Variants in MUL1 observed in about 807,000 individuals in gnomAD.
MUL1 encodes the protein mitochondrial ubiquitin ligase activator of NFKB 1.
In MUL1, 30 loss-of-function variants were observed where a neutral mutation model predicts 34.1. That is an observed-to-expected ratio of 0.88 (90% confidence interval 0.66 to 1.19). The LOEUF (loss-of-function observed/expected upper bound fraction) is 1.19, where lower values mean the gene tolerates loss of function less well. Ranked by LOEUF, MUL1 falls within the 50% of genes most tolerant of loss-of-function variation. The pLI is 0.00. For synonymous variants in MUL1, 191 were observed against 187.8 expected, an observed-to-expected ratio of 1.02 and a Z score of -0.14; for missense variants, 419 against 450.5, an observed-to-expected ratio of 0.93 and a Z score of 0.63.
rs1468133516 is a variant in MUL1 at position 20,500,952 on chromosome 1, C to T, written c.797G>A (p.Arg266Gln). ...CTGCTTGAGGCGCAGGCGCTCCTGC[C>T]GCTGCAGATACTGCTTCCGGAGAAT... ...FFILRKQYLQRQERLRLKQMQ... is the reference protein window; with the variant it reads ...FFILRKQYLQQQERLRLKQMQ... Residue 266 changes from arginine to glutamine, a missense_variant, in exon 4 of 4, where the codon CGG (arginine) becomes CAG (glutamine). By Grantham distance (43) the Arg-to-Gln change is conservative. Transcript: ENST00000264198. The T allele has an allele frequency of 1.9e-6, 3 of 1,614,104 alleles. No individual in the cohort carries two copies. Among genetic ancestry groups the T allele is most frequent in the Non-Finnish European group, 2.5e-6 (3 of 1,180,046 alleles).
chr1:20,503,088 G>C (rs1417340741), intron 2 of MUL1, 134 bp downstream of exon 2: 1 of 562,032 alleles, frequency 1.8e-6, no homozygotes, highest in Non-Finnish European at 3.1e-6. Flanking sequence ...AATAACCCAT[G>C]TCTTTCTGAC....
At chr1:20,502,499 T>C (rs2051672250) in intron 2 of MUL1, among the ~76,000 whole-genome samples, 1 of 152,164 alleles carries the variant, frequency 6.6e-6, no homozygotes, top group South Asian at 2.1e-4. Flanking sequence ...CAGTGAGCTA[T>C]GATCACACCA....
Position 20,500,665 on chromosome 1 carries a change from G to A in MUL1, c.*25C>T, listed in dbSNP as rs1161035132. On this transcript the variant is annotated 3_prime_UTR_variant, in exon 4 of 4. Coordinates refer to ENST00000264198, the MANE Select transcript of MUL1 (RefSeq NM_024544.3). Reference sequence around the variant, plus strand: ...GAAAAGGGGGCAGGGGTGCTTCCAGGTCAAGCTGTGCGGCTTCCAAACTAT... The same window carrying A: ...GAAAAGGGGGCAGGGGTGCTTCCAGATCAAGCTGTGCGGCTTCCAAACTAT... 2.0e-6 allele frequency: 3 copies of A among 1,531,438 alleles called. No homozygotes were observed. Among genetic ancestry groups the A allele is most frequent in the Admixed American group, 2.1e-5 (1 of 48,248 alleles). The allele number at this position is 1,531,438 out of a possible 1,614,324, so 94.9% of individuals were successfully genotyped here.
rs371233796 is a variant in MUL1, at chr1:20,507,897, G to C, written c.120+8C>G. 1 of 1,597,352 alleles carries C rather than the reference G, an allele frequency of 6.3e-7. No homozygotes were observed. Among genetic ancestry groups the C allele is most frequent in the Non-Finnish European group, 8.5e-7 (1 of 1,172,688 alleles). On this transcript the variant is annotated splice_region_variant and intron_variant, in intron 1 of 3. Coordinates refer to ENST00000264198, the MANE Select transcript of MUL1 (RefSeq NM_024544.3). ...CCCGGCTGAGGCCAGGCCGGCTCCA[G>C]CACTGACCTTGAGCTCTTGGGAGAC...
rs1449965641 is a variant in MUL1, at chr1:20,500,431, C to T, written c.*259G>A. On this transcript the variant is annotated 3_prime_UTR_variant, in exon 4 of 4. Transcript: ENST00000264198. ...CAGTCACACTCGCACTGATCTGGCT[C>T]CTGGGAGGAGACGCCACGGCATCCT... is the stretch of plus-strand genomic sequence containing the variant. 3 of 419,194 alleles carry T rather than the reference C, an allele frequency of 7.2e-6. No homozygotes were observed. The highest frequency in any genetic ancestry group is 1.3e-5 in the Non-Finnish European group (3 of 233,384). The allele number at this position is 419,194 out of a possible 1,614,324, so 26.0% of individuals were successfully genotyped here. A position where few individuals can be genotyped will look rare whatever the true frequency, so the allele number is the denominator to read the frequency against.
intron 2 of MUL1, 127 bp from the exon 3 acceptor site, chr1:20,502,316 A>C: frequency 1.6e-6 from 2 of 1,274,190 alleles, no homozygotes; most frequent in Non-Finnish European, 2.2e-6. Context: ...TGGGAAGCCA[A>C]GTCAGAAGGA....
rs1175590201 is a variant in MUL1 at position 20,500,651 on chromosome 1, AG to A, written c.*38del. The A allele has an allele frequency of 7.3e-7, 1 of 1,377,030 alleles. No individual in the cohort carries two copies. 85.3% of individuals were successfully genotyped at this position (1,377,030 alleles called of 1,614,324 possible). A position where few individuals can be genotyped will look rare whatever the true frequency, so the allele number is the denominator to read the frequency against. On this transcript the variant is annotated 3_prime_UTR_variant, in exon 4 of 4. Coordinates refer to ENST00000264198, the MANE Select transcript of MUL1 (RefSeq NM_024544.3). ...AGATAAAAATCCCTGAAAAGGGGGC[AG>A]GGGTGCTTCCAGGTCAAGCTGTGCG...
intron 1 of MUL1, among the ~76,000 whole-genome samples, chr1:20,506,427 T>A (rs1001918785): frequency 6.6e-6 from 1 of 152,200 alleles, no homozygotes; most frequent in Non-Finnish European, 1.5e-5. Context: ...GTCAATCAGA[T>A]TAAAATCCTA....
rs2051650213 is a variant in MUL1, at chr1:20,500,858, ACT to A, written c.889_890del (p.Leu298GlufsTer95). On this transcript the variant is annotated frameshift_variant, in exon 4 of 4. Coordinates refer to ENST00000264198, the MANE Select transcript of MUL1 (RefSeq NM_024544.3). LOFTEE classifies it high-confidence loss of function. ...GACACACTACACAGGCGCTCTTCAGACTCTCCCTGTCCTCAGGCTTGGCTCGG... is the reference window on the plus strand; with the variant it reads ...GACACACTACACAGGCGCTCTTCAGACTCCCTGTCCTCAGGCTTGGCTCGG... ...LSRAKPEDRE[S>X]LKSACVVCLS... 1 of 1,613,402 alleles carries A rather than the reference ACT, an allele frequency of 6.2e-7. No homozygotes were observed. The highest frequency in any genetic ancestry group is 1.3e-5 in the African/African-American group (1 of 74,678).
At chr1:20,506,490 C>T (rs2101119493) in intron 1 of MUL1, among the ~76,000 whole-genome samples, 1 of 152,310 alleles carries the variant, frequency 6.6e-6, no homozygotes, top group African/African-American at 2.4e-5. Context: ...AGCTGTATGG[C>T]CTTTCCTCCA....
rs972178049 is a variant in MUL1 at position 20,500,463 on chromosome 1, G to A, written c.*227C>T. 1 of 505,506 alleles carries A rather than the reference G, an allele frequency of 2.0e-6. No homozygotes were observed. The highest frequency in any genetic ancestry group is 3.6e-5 in the Admixed American group (1 of 27,670). 31.3% of individuals were successfully genotyped at this position (505,506 alleles called of 1,614,324 possible). A position where few individuals can be genotyped will look rare whatever the true frequency, so the allele number is the denominator to read the frequency against. The stretch of plus-strand genomic sequence containing the variant: ...GGAGACGCCACGGCATCCTCCCAGG[G>A]TGAGGCTCTGATGAGGCTGCACATG... On this transcript the variant is annotated 3_prime_UTR_variant, in exon 4 of 4. Transcript: ENST00000264198.
In MUL1 at chr1:20,507,883, C is replaced by T. The variant is rs760314876; in HGVS notation, c.120+22G>A. 7 of 1,593,736 alleles carry T rather than the reference C, an allele frequency of 4.4e-6. No homozygotes were observed. In the South Asian group the frequency reaches 6.8e-5, roughly 16 times the overall value. ...TGGGACAGAGATGACCCGGCTGAGG[C>T]CAGGCCGGCTCCAGCACTGACCTTG... On this transcript the variant is annotated intron_variant, in intron 1 of 3. Coordinates refer to ENST00000264198, the MANE Select transcript of MUL1 (RefSeq NM_024544.3).
chr1:20,505,711 A>G (rs986133566), intron 1 of MUL1, among the ~76,000 whole-genome samples: 2 of 152,056 alleles, frequency 1.3e-5, no homozygotes, highest in African/African-American at 4.8e-5. Context: ...GGAAGGAAAT[A>G]GAAAATAGAA....
At position 20,499,701 on chromosome 1, in the gene MUL1, G is replaced by C. The variant is rs76279788; in HGVS notation, c.*989C>G. On this transcript the variant is annotated 3_prime_UTR_variant, in exon 4 of 4. Transcript: ENST00000264198. The stretch of plus-strand genomic sequence containing the variant: ...GAGGGGCAAATGGTAATACTGGGAG[G>C]GGGTAACACAAGGAGAAGCGACATG... The C allele has an allele frequency of 6.6e-6, 1 of 151,856 alleles. No homozygotes were observed. The highest frequency in any genetic ancestry group is 1.5e-5 in the Non-Finnish European group (1 of 67,996). 9.4% of individuals were successfully genotyped at this position (151,856 alleles called of 1,614,324 possible). A position where few individuals can be genotyped will look rare whatever the true frequency, so the allele number is the denominator to read the frequency against.
intron 1 of MUL1, 138 bp downstream of exon 1, chr1:20,507,767 T>C: frequency 7.9e-7 from 1 of 1,264,240 alleles, no homozygotes; most frequent in Non-Finnish European, 1.1e-6. Context: ...CTCCATCTAC[T>C]GGCTGGATGA....
chr1:20,506,331 G>A (rs1239120619), intron 1 of MUL1, among the ~76,000 whole-genome samples: 2 of 152,182 alleles, frequency 1.3e-5, no homozygotes, highest in East Asian at 1.9e-4. Context: ...AGAAGCTAGA[G>A]GAAAGAGAAT....
At position 20,502,085 on chromosome 1, in the gene MUL1, G is replaced by A. The variant is rs779749553; in HGVS notation, c.313C>T (p.Arg105Ter). Residue 105 changes from arginine (R) to a stop codon, truncating the protein, a stop_gained, in exon 3 of 4, where the codon CGA (arginine) becomes TGA (stop). Coordinates refer to ENST00000264198, the MANE Select transcript of MUL1 (RefSeq NM_024544.3). LOFTEE classifies it high-confidence loss of function. ...TLQEHKMVWN[R>*]TTHLWNDCSK... ...GATACATACCAAAGGTGGGTGGTTCGATTCCACACCATCTTGTGCTCCTGA... is the reference window on the plus strand; with the variant it reads ...GATACATACCAAAGGTGGGTGGTTCAATTCCACACCATCTTGTGCTCCTGA... 6.2e-6 allele frequency: 10 copies of A among 1,613,704 alleles called. No individual in the cohort carries two copies. Among genetic ancestry groups the A allele is most frequent in the South Asian group, 3.3e-5 (3 of 91,064 alleles).
Position 20,503,309 on chromosome 1 carries a change from C to G in MUL1, c.121G>C (p.Gly41Arg), listed in dbSNP as rs756846690. Reference sequence around the variant, plus strand: ...TCACCCAAATGAACTTTTTTAGCTCCCTAAATAAAAAAAAAAAATTAAATT... The same window carrying G: ...TCACCCAAATGAACTTTTTTAGCTCGCTAAATAAAAAAAAAAAATTAAATT... Reference protein sequence around the residue: ...QKARVSQELKGAKKVHLGEDL... With the variant: ...QKARVSQELKRAKKVHLGEDL... The change falls in exon 2 of 4, where the codon GGA (glycine) becomes CGA (arginine). Residue 41 changes from glycine (G) to arginine (R), a missense_variant and splice_region_variant. Physicochemically the swap from Gly to Arg is moderately radical, Grantham distance 125. Coordinates refer to ENST00000264198, the MANE Select transcript of MUL1 (RefSeq NM_024544.3). 1.9e-6 allele frequency: 3 copies of G among 1,566,708 alleles called. No individual in the cohort carries two copies. Among genetic ancestry groups the G allele is most frequent in the Non-Finnish European group, 1.7e-6 (2 of 1,156,556 alleles).
Position 20,501,776 on chromosome 1 carries a change from TAAC to T in MUL1, c.329+290_329+292del, listed in dbSNP as rs1424999488. Among the ~76,000 whole-genome samples, 7 of 152,342 alleles carry T rather than the reference TAAC, an allele frequency of 4.6e-5. No individual in the cohort carries two copies. In the South Asian group the frequency reaches 1.2e-3, roughly 27 times the overall value. On this transcript the variant is annotated intron_variant, in intron 3 of 3. Transcript: ENST00000264198. The surrounding 1 kb of genome is among the most constrained non-coding windows in gnomAD (Gnocchi z 4.2). ...AGTGGTTCTCAAACTTCAGTGTGCC[TAAC>T]AACAGATTCCAGGTCCCTGATCCTG...
Sources: gnomAD v4.1 joint callset for allele counts (sites outside exome capture counted in the v4.1 genomes callset) on GRCh38, gnomAD v4.1.1 for gene constraint, Gnocchi (gnomAD v3.1) non-coding constraint, MANE v1.5 for transcripts, NCBI Gene and HGNC (gene_info 2026-07-23, HGNC 2026-07-21) for gene names.